Variants in UTRN observed in about 807,000 individuals in gnomAD.
UTRN encodes dystrophin-related protein 1.
UTRN carries 283 observed loss-of-function variants against 463.9 expected under a neutral mutation model. The observed-to-expected ratio is 0.61, with a 90% CI of 0.55 to 0.67. UTRN has a LOEUF of 0.67. Among genes scored for constraint, UTRN ranks in the 30% least tolerant of loss-of-function variants. UTRN has a pLI of 0.00. For missense variants in UTRN, 3,922 were observed against 4,084.3 expected (o/e 0.96, Z 1.08); for synonymous variants, 1,442 against 1,431.5 (o/e 1.01, Z -0.17).
At chr6:144,528,751 T>A (rs1393456177) in intron 41 of UTRN, among the ~76,000 whole-genome samples, 1 of 152,232 alleles carries the variant, frequency 6.6e-6, no homozygotes, top group Non-Finnish European at 1.5e-5. Flanking sequence ...GTATTTTGGT[T>A]AAGTTCGCTG....
At chr6:144,358,193 T>C (rs1050396806) in intron 2 of UTRN, among the ~76,000 whole-genome samples, 1 of 152,260 alleles carries the variant, frequency 6.6e-6, no homozygotes, top group Non-Finnish European at 1.5e-5. Flanking sequence ...ACAGCAATAA[T>C]GTTACTACTC....
intron 65 of UTRN, among the ~76,000 whole-genome samples, chr6:144,807,644 T>C (rs1240080493): frequency 3.3e-5 from 5 of 152,102 alleles, no homozygotes; most frequent in African/African-American, 1.2e-4. Flanking sequence ...ACTCCCACTT[T>C]GTGTGTGAAA....
chr6:144,745,795 G>A (rs1353870440), intron 54 of UTRN, among the ~76,000 whole-genome samples: 1 of 152,086 alleles, frequency 6.6e-6, no homozygotes, highest in Non-Finnish European at 1.5e-5. Context: ...TCTGAAATGA[G>A]TAGTGTATTT....
chr6:144,814,077 G>A (rs752321861), intron 65 of UTRN, among the ~76,000 whole-genome samples: 3 of 152,214 alleles, frequency 2.0e-5, no homozygotes, highest in Non-Finnish European at 4.4e-5. Flanking sequence ...GTACTGCTAT[G>A]AATGGAATGT....
intron 2 of UTRN, among the ~76,000 whole-genome samples, chr6:144,387,413 AC>A (rs796187887): frequency 1.3e-5 from 2 of 152,344 alleles, no homozygotes; most frequent in African/African-American, 4.8e-5. Flanking sequence ...TGCTGAGATT[AC>A]AGGCATGAGC....
At chr6:144,449,430 A>G (rs1788028124) in intron 17 of UTRN, among the ~76,000 whole-genome samples, 1 of 152,170 alleles carries the variant, frequency 6.6e-6, no homozygotes, top group African/African-American at 2.4e-5. Context: ...CCTAGAATGT[A>G]GACACCTGTT....
chr6:144,562,145 C>T (rs1225492374), intron 50 of UTRN, among the ~76,000 whole-genome samples: 1 of 152,044 alleles, frequency 6.6e-6, no homozygotes, highest in Non-Finnish European at 1.5e-5. Context: ...AAAGTCCAAC[C>T]ATCCTGGGAA....
intron 27 of UTRN, among the ~76,000 whole-genome samples, chr6:144,484,466 G>A (rs1792223933): frequency 9.1e-6 from 1 of 110,462 alleles, no homozygotes; most frequent in African/African-American, 3.9e-5. Context: ...TTTTGAGATG[G>A]AGTTTCACTC....
intron 2 of UTRN, among the ~76,000 whole-genome samples, chr6:144,303,032 C>G (rs1466060592): frequency 6.6e-6 from 1 of 152,162 alleles, no homozygotes; most frequent in Non-Finnish European, 1.5e-5. Flanking sequence ...GAGTTAATGA[C>G]TAGCTCAGAA....
chr6:144,339,682 G>C (rs1368212737), intron 2 of UTRN, among the ~76,000 whole-genome samples: 3 of 152,128 alleles, frequency 2.0e-5, no homozygotes, highest in African/African-American at 7.2e-5. Flanking sequence ...TAGGTAGAGA[G>C]TATCTATGAG....
At chr6:144,524,422 G>T (rs1467418218) in intron 41 of UTRN, among the ~76,000 whole-genome samples, 1 of 151,464 alleles carries the variant, frequency 6.6e-6, no homozygotes, top group African/African-American at 2.4e-5. Flanking sequence ...TACTAACATT[G>T]ACAGGTTTTT....
Position 144,438,780 on chromosome 6 carries a change from A to C in UTRN, c.1277A>C (p.Gln426Pro). The part of the protein sequence containing the change: ...HDVLMELQKK[Q>P]LQQLSAWLTL... ...GTGCTGATGGAACTGCAGAAGAAGC[A>C]ACTGCAGCAGCTCTCCGCCTGGTTA... is the stretch of plus-strand genomic sequence containing the variant. The change falls in exon 12 of 75, where the codon CAA (glutamine) becomes CCA (proline). Residue 426 changes from glutamine (Q) to proline (P), a missense_variant. Physicochemically the swap from Gln to Pro is moderately conservative, Grantham distance 76 (BLOSUM62 -1). This residue lies in a region of UTRN where 2,349 missense variants were observed against 2,303.8 expected (regional missense o/e 1.02). Transcript: ENST00000367545. 6.2e-7 allele frequency: 1 copy of C among 1,614,236 alleles called. No homozygotes were observed. Among genetic ancestry groups the C allele is most frequent in the South Asian group, 1.1e-5 (1 of 91,088 alleles).
rs9386078 is a variant in UTRN at position 144,692,744 on chromosome 6, T to C, written c.7653-7343T>C. On this transcript the variant is annotated intron_variant, in intron 52 of 74. Coordinates refer to ENST00000367545, the MANE Select transcript of UTRN (RefSeq NM_007124.3). ...CTTTGCCCACTTTTTATGGTGTTTGTTTTTTCCTTATAAATTTGTTTACAT... is the reference window on the plus strand; with the variant it reads ...CTTTGCCCACTTTTTATGGTGTTTGCTTTTTCCTTATAAATTTGTTTACAT... Among the ~76,000 whole-genome samples, 462 of 152,306 alleles carry C rather than the reference T, an allele frequency of 3.0e-3. 19 individuals carry two copies. In the East Asian group the frequency reaches 0.066, roughly 22 times the overall value.
rs1439946790 is a variant in UTRN at position 144,548,745 on chromosome 6, CTA to C, written c.6704_6705del (p.Ile2235AsnfsTer29). On this transcript the variant is annotated frameshift_variant, in exon 47 of 75. Transcript: ENST00000367545. LOFTEE classifies it high-confidence loss of function. ...TCAATTCCTGCTGATCTTGATAAAA[CTA>C]TAACAGAACTAGCCGACTGGCTGGT... is the stretch of plus-strand genomic sequence containing the variant. 6.2e-7 allele frequency: 1 copy of C among 1,613,926 alleles called. No individual in the cohort carries two copies. Among genetic ancestry groups the C allele is most frequent in the Non-Finnish European group, 8.5e-7 (1 of 1,179,966 alleles).
chr6:144,681,974 TTG>T (rs1364995889), intron 52 of UTRN, among the ~76,000 whole-genome samples: 7 of 152,236 alleles, frequency 4.6e-5, no homozygotes, highest in Non-Finnish European at 1.0e-4. Context: ...CATTTATCTT[TTG>T]TGTTACAAAC....
rs1797806379 is a variant in UTRN, at chr6:144,539,398, T to A, written c.6474T>A (p.Asp2158Glu). 6.2e-7 allele frequency: 1 copy of A among 1,613,318 alleles called. No individual in the cohort carries two copies. The highest frequency in any genetic ancestry group is 8.5e-7 in the Non-Finnish European group (1 of 1,179,624). Residue 2158 changes from aspartate to glutamate, a missense_variant, in exon 45 of 75, where the codon GAT (aspartate) becomes GAA (glutamate). Coordinates refer to ENST00000367545, the MANE Select transcript of UTRN (RefSeq NM_007124.3). ...AAAGTCTGAGTTTACCTGAAAGGGA[T>A]AAAATTTCAGAAAGCTTAAGGACTG... ...SDKSLSLPERDKISESLRTVN... is the reference protein window; with the variant it reads ...SDKSLSLPEREKISESLRTVN...
At chr6:144,326,084 C>G (rs1350186580) in intron 2 of UTRN, among the ~76,000 whole-genome samples, 2 of 152,088 alleles carry the variant, frequency 1.3e-5, no homozygotes, top group Non-Finnish European at 2.9e-5. Context: ...AAACAGATAA[C>G]AGAGGAAAGG....
At chr6:144,658,357 A>G (rs757010734) in intron 51 of UTRN, among the ~76,000 whole-genome samples, 1 of 152,254 alleles carries the variant, frequency 6.6e-6, no homozygotes, top group Non-Finnish European at 1.5e-5. Flanking sequence ...AATGAAATAG[A>G]AAGAAAAATG....
In UTRN at chr6:144,353,118, AT is replaced by A. The variant is rs112331196; in HGVS notation, c.80-49995del. ...CCACCACGCTCAGCTCATTTTTCGG[AT>A]TTTTTTTTTATTTGGGTAAGAGTCT... is the stretch of plus-strand genomic sequence containing the variant. On this transcript the variant is annotated intron_variant, in intron 2 of 74. Transcript: ENST00000367545. 1.0e-3 allele frequency among the ~76,000 whole-genome samples: 152 copies of A among 147,554 alleles called. 2 individuals carry two copies. Among genetic ancestry groups the A allele is most frequent in the African/African-American group, 3.4e-3 (138 of 40,190 alleles).
Sources: gnomAD v4.1 joint callset for allele counts (sites outside exome capture counted in the v4.1 genomes callset) on GRCh38, gnomAD v4.1.1 for gene constraint, gnomAD v4.1.1 regional missense constraint, MANE v1.5 for transcripts, NCBI Gene and HGNC (gene_info 2026-07-23, HGNC 2026-07-21) for gene names.